Variants in PCDH19 observed in about 807,000 individuals in gnomAD.
The protein encoded by PCDH19 is protocadherin-19.
A neutral mutation model predicts 46.2 loss-of-function variants in PCDH19; 6 were observed. The ratio of observed to expected loss-of-function variants is 0.13; its 90% confidence interval spans 0.07 to 0.26. PCDH19 has a LOEUF of 0.26. PCDH19 is among the 10% of genes least tolerant of loss of function. PCDH19 has a pLI of 1.00. For synonymous variants in PCDH19, 481 were observed against 415.7 expected (o/e 1.16, Z -1.91); for missense variants, 740 against 972.3 (o/e 0.76, Z 3.18).
chrX:100,343,320 T>C (rs1267163840), intron 4 of PCDH19, among the ~76,000 whole-genome samples: 2 of 111,808 alleles, frequency 1.8e-5, no homozygotes, highest in African/African-American at 6.5e-5. Context: ...TACATATTTA[T>C]AGATTTAGAT....
chrX:100,363,515 T>C (rs1229902812), intron 3 of PCDH19, among the ~76,000 whole-genome samples: 1 of 106,186 alleles, frequency 9.4e-6, no homozygotes, highest in Non-Finnish European at 1.9e-5. Flanking sequence ...GTTTTCTTTC[T>C]GAGGTTTCCT....
intron 5 of PCDH19, among the ~76,000 whole-genome samples, chrX:100,341,543 G>T (rs748115651): frequency 1.8e-5 from 2 of 112,078 alleles, no homozygotes; most frequent in Non-Finnish European, 3.8e-5. Context: ...TATGCAATTC[G>T]ATTGATCAGC....
At chrX:100,312,711 T>G (rs1008820783) in intron 5 of PCDH19, among the ~76,000 whole-genome samples, 1 of 111,183 alleles carries the variant, frequency 9.0e-6, no homozygotes, top group Admixed American at 9.5e-5. Flanking sequence ...CACATGAAGA[T>G]TACAATATAA....
intron 4 of PCDH19, among the ~76,000 whole-genome samples, chrX:100,344,112 G>A (rs1926331070): frequency 8.9e-6 from 1 of 112,114 alleles, no homozygotes; most frequent in Admixed American, 9.5e-5. Flanking sequence ...AAGAGCAGGA[G>A]AGAGTGAAGC....
intron 4 of PCDH19, among the ~76,000 whole-genome samples, chrX:100,343,274 A>G (rs1926306952): frequency 9.0e-6 from 1 of 111,451 alleles, no homozygotes; most frequent in African/African-American, 3.3e-5. Context: ...AGCCCCCATA[A>G]TCACATAAGC....
chrX:100,400,108 G>GT (rs994244103), intron 3 of PCDH19, among the ~76,000 whole-genome samples: 1 of 111,463 alleles, frequency 9.0e-6, no homozygotes, highest in African/African-American at 3.3e-5. Flanking sequence ...ATCTCCACAA[G>GT]TAACAGTGCC....
intron 5 of PCDH19, among the ~76,000 whole-genome samples, chrX:100,312,443 A>T (rs1173271070): frequency 4.5e-5 from 5 of 112,080 alleles, no homozygotes; most frequent in African/African-American, 1.6e-4. Flanking sequence ...TCCATCTTAC[A>T]TGGACAATGC....
intron 3 of PCDH19, among the ~76,000 whole-genome samples, chrX:100,364,085 T>C (rs867392540): frequency 5.5e-5 from 6 of 109,973 alleles, no homozygotes; most frequent in East Asian, 2.8e-4. Flanking sequence ...TACGGCAGGG[T>C]TGGGGGAGGG....
chrX:100,383,682 A>C (rs1235468257), intron 3 of PCDH19, among the ~76,000 whole-genome samples: 2 of 112,444 alleles, frequency 1.8e-5, no homozygotes, highest in Non-Finnish European at 3.8e-5. Flanking sequence ...AGTTTGGTAC[A>C]TTTTCAATCA....
At chrX:100,296,975 G>C in intron 5 of PCDH19, 100 bp from the exon 6 acceptor site, 1 of 788,541 alleles carries the variant, frequency 1.3e-6, no homozygotes, top group Non-Finnish European at 1.9e-6. Context: ...GGCCCTTGTG[G>C]GAAATGGCAC....
chrX:100,329,139 G>A (rs1237683928), intron 5 of PCDH19, among the ~76,000 whole-genome samples: 1 of 111,989 alleles, frequency 8.9e-6, no homozygotes, highest in Non-Finnish European at 1.9e-5. Flanking sequence ...CAACAATAAG[G>A]TGATATTTTC....
intron 3 of PCDH19, among the ~76,000 whole-genome samples, chrX:100,377,233 T>C (rs772114772): frequency 2.7e-5 from 3 of 112,123 alleles, no homozygotes; most frequent in Non-Finnish European, 5.6e-5. Flanking sequence ...AATAACTGCA[T>C]TGGAACCTGG....
At position 100,306,005 on chromosome X, in the gene PCDH19, T is replaced by A. The variant is rs747773282; in HGVS notation, c.2849-9130A>T. On this transcript the variant is annotated intron_variant, in intron 5 of 5. Transcript: ENST00000373034. ...TAGTCCACTGACAGCACTAGACAGG[T>A]CATCAAGACAGAAAGCCAACAAAGA... Among the ~76,000 whole-genome samples, 5 of 111,535 alleles carry A rather than the reference T, an allele frequency of 4.5e-5. No individual in the cohort carries two copies. In the East Asian group the frequency reaches 1.4e-3, roughly 32 times the overall value.
chrX:100,306,111 A>G (rs886678587), intron 5 of PCDH19, among the ~76,000 whole-genome samples: 5 of 111,893 alleles, frequency 4.5e-5, no homozygotes, highest in African/African-American at 1.6e-4. Context: ...ACTGCAGAAC[A>G]TACATTCTAT....
At position 100,379,532 on chromosome X, in the gene PCDH19, G is replaced by A. The variant is rs772381764; in HGVS notation, c.2616+22992C>T. Among the ~76,000 whole-genome samples the A allele has an allele frequency of 2.7e-5, 3 of 112,250 alleles. No homozygotes were observed. In the East Asian group the frequency reaches 8.4e-4, roughly 32 times the overall value. ...GAAGAGATAAAGACAATGAAATTAC[G>A]GTGGCCAAGTTGAATAAAGGCTGGC... On this transcript the variant is annotated intron_variant, in intron 3 of 5. Transcript: ENST00000373034.
chrX:100,370,937 C>T (rs887394007), intron 3 of PCDH19, among the ~76,000 whole-genome samples: 2 of 110,361 alleles, frequency 1.8e-5, no homozygotes, highest in Non-Finnish European at 3.8e-5. Flanking sequence ...AGCAGTTCCA[C>T]AATACACCAA....
intron 3 of PCDH19, among the ~76,000 whole-genome samples, chrX:100,376,968 G>A (rs779167299): frequency 9.8e-5 from 11 of 112,071 alleles, no homozygotes; most frequent in Non-Finnish European, 1.9e-4. Flanking sequence ...ATTACTTTTG[G>A]TTCCCTCTCT....
intron 3 of PCDH19, among the ~76,000 whole-genome samples, chrX:100,391,861 G>A (rs1286056132): frequency 8.9e-6 from 1 of 112,189 alleles, no homozygotes; most frequent in Non-Finnish European, 1.9e-5. Context: ...CAGATTTCTA[G>A]ATGGTTATCT....
chrX:100,375,484 C>T (rs1346980508), intron 3 of PCDH19, among the ~76,000 whole-genome samples: 4 of 112,455 alleles, frequency 3.6e-5, no homozygotes, highest in African/African-American at 1.3e-4. Flanking sequence ...TTTCTTTATC[C>T]AGTCTATCAT....
Sources: gnomAD v4.1 joint callset for allele counts (sites outside exome capture counted in the v4.1 genomes callset) on GRCh38, gnomAD v4.1.1 for gene constraint, MANE v1.5 for transcripts, NCBI Gene and HGNC (gene_info 2026-07-23, HGNC 2026-07-21) for gene names.